Variants in FAM169A observed in about 807,000 individuals in gnomAD.
The protein encoded by FAM169A is soluble lamin-associated protein of 75 kDa.
A neutral mutation model predicts 75.7 loss-of-function variants in FAM169A; 24 were observed. The observed-to-expected ratio is 0.32, with a 90% CI of 0.23 to 0.45. The LOEUF (loss-of-function observed/expected upper bound fraction) is 0.45. Among genes scored for constraint, FAM169A ranks in the 20% least tolerant of loss-of-function variants. The pLI is 1.00. For missense variants in FAM169A, 673 were observed against 784.0 expected (o/e 0.86, Z 1.69); for synonymous variants, 271 against 271.0 (o/e 1.00, Z 0.00).
At position 74,800,869 on chromosome 5, in the gene FAM169A, C is replaced by A; in HGVS notation, c.1103+11G>T. On this transcript the variant is annotated intron_variant, in intron 10 of 12. Transcript: ENST00000687041. ...AAATAAAAAATGAGAGTAAAATCAACAATTATTTACTTGTTTATTGAAGCT... is the reference window on the plus strand; with the variant it reads ...AAATAAAAAATGAGAGTAAAATCAAAAATTATTTACTTGTTTATTGAAGCT... 1 of 1,371,622 alleles carries A rather than the reference C, an allele frequency of 7.3e-7. No individual in the cohort carries two copies. Among genetic ancestry groups the A allele is most frequent in the South Asian group, 2.2e-5 (1 of 45,080 alleles). 85.0% of individuals were successfully genotyped at this position (1,371,622 alleles called of 1,614,324 possible). A position where few individuals can be genotyped will look rare whatever the true frequency, so the allele number is the denominator to read the frequency against.
chr5:74,813,790 C>A, intron 6 of FAM169A, 50 bp downstream of exon 6: 1 of 1,337,978 alleles, frequency 7.5e-7, no homozygotes, highest in South Asian at 1.8e-5. Flanking sequence ...AGAAACAAGT[C>A]GGAAGTGACA....
rs754939341 is a variant in FAM169A, at chr5:74,783,074, T to C, written c.1321A>G (p.Ile441Val). The C allele has an allele frequency of 3.7e-6, 6 of 1,613,760 alleles. No individual in the cohort carries two copies. Among genetic ancestry groups the C allele is most frequent in the East Asian group, 2.2e-5 (1 of 44,878 alleles). The change falls in exon 12 of 13, where the codon ATA (isoleucine) becomes GTA (valine). Residue 441 changes from isoleucine to valine, a missense_variant. Coordinates refer to ENST00000687041, the MANE Select transcript of FAM169A (RefSeq NM_001376049.1). ...CTAGTGGAGTCTTCCTCTTCTGTTA[T>C]AAGTGAGGTCTTAAGAGAATCGTCC... ...IMDDSLKTSLITEEEDSTSEV... is the reference protein window; with the variant it reads ...IMDDSLKTSLVTEEEDSTSEV...
In FAM169A at chr5:74,782,950, T is replaced by C; in HGVS notation, c.1445A>G (p.Glu482Gly). 6.2e-7 allele frequency: 1 copy of C among 1,613,426 alleles called. No individual in the cohort carries two copies. The highest frequency in any genetic ancestry group is 8.5e-7 in the Non-Finnish European group (1 of 1,179,454). ...CCTTACCTTATCTGGTGCATCTACCTCAGGGGGTTTTGAAGATTCTACCAC... is the reference window on the plus strand; with the variant it reads ...CCTTACCTTATCTGGTGCATCTACCCCAGGGGGTTTTGAAGATTCTACCAC... ...PLVVESSKPP[E>G]VDAPDKTPRI... Residue 482 changes from glutamate to glycine, a missense_variant, in exon 12 of 13, where the codon GAG becomes GGG. Physicochemically the swap from Glu to Gly is moderately conservative, Grantham distance 98 (BLOSUM62 -2). Around this residue, in one of 3 missense-constraint regions of FAM169A, gnomAD observed 510 missense variants for 550.9 expected, o/e 0.93. Transcript: ENST00000687041.
At chr5:74,793,790 T>C (rs1746105971) in intron 11 of FAM169A, among the ~76,000 whole-genome samples, 1 of 151,418 alleles carries the variant, frequency 6.6e-6, no homozygotes, top group Non-Finnish European at 1.5e-5. Flanking sequence ...GATCACACGG[T>C]CAGGAGATCA....
chr5:74,851,572 AAATT>A (rs1022321977), intron 1 of FAM169A, among the ~76,000 whole-genome samples: 41 of 152,330 alleles, frequency 2.7e-4, no homozygotes, highest in African/African-American at 9.9e-4. Flanking sequence ...GCCTAACAAT[AAATT>A]AATAGATATT....
At chr5:74,789,711 T>C (rs925496749) in intron 11 of FAM169A, among the ~76,000 whole-genome samples, 1 of 152,220 alleles carries the variant, frequency 6.6e-6, no homozygotes, top group Non-Finnish European at 1.5e-5. Flanking sequence ...TCTAGGATTT[T>C]GGAGCAAGGC....
chr5:74,864,441 G>A (rs1750203516), intron 1 of FAM169A, among the ~76,000 whole-genome samples: 1 of 152,190 alleles, frequency 6.6e-6, no homozygotes, highest in Admixed American at 6.5e-5. Flanking sequence ...TGTTGGCCAG[G>A]CTGGTCTTGA....
At chr5:74,790,049 T>C (rs1422328034) in intron 11 of FAM169A, among the ~76,000 whole-genome samples, 2 of 152,164 alleles carry the variant, frequency 1.3e-5, no homozygotes, top group African/African-American at 4.8e-5. Context: ...GTGGTATATA[T>C]GTGATCGGGC....
chr5:74,825,937 T>G (rs1748001129), intron 5 of FAM169A, among the ~76,000 whole-genome samples: 2 of 152,204 alleles, frequency 1.3e-5, no homozygotes, highest in Admixed American at 6.5e-5. Flanking sequence ...TCTGGAAATG[T>G]GTGTTCTACA....
intron 1 of FAM169A, among the ~76,000 whole-genome samples, chr5:74,850,861 A>C (rs1749406138): frequency 6.6e-6 from 1 of 152,222 alleles, no homozygotes; most frequent in Admixed American, 6.5e-5. Flanking sequence ...ATAAAACAGG[A>C]AAAACAAACC....
Position 74,779,401 on chromosome 5 carries a change from G to A in FAM169A, c.*2059C>T, listed in dbSNP as rs552380016. 10 of 152,150 alleles carry A rather than the reference G, an allele frequency of 6.6e-5. No homozygotes were observed. Among genetic ancestry groups the A allele is most frequent in the East Asian group, 1.9e-4 (1 of 5,178 alleles). 9.4% of individuals were successfully genotyped at this position (152,150 alleles called of 1,614,324 possible). ...CAAGGATGACACAAATTCATGAAGC[G>A]TTTCCATGTTTAAAATAATTTGAAA... On this transcript the variant is annotated 3_prime_UTR_variant, in exon 13 of 13. Transcript: ENST00000687041.
chr5:74,779,073 G>A lies in FAM169A; in HGVS notation c.*2387C>T, dbSNP rs1295429767. On this transcript the variant is annotated 3_prime_UTR_variant, in exon 13 of 13. Coordinates refer to ENST00000687041, the MANE Select transcript of FAM169A (RefSeq NM_001376049.1). ...CCCCAAAATAACAATTTCTGTCAGA[G>A]AGAATCTGTAACAGAAGTGTTCTTG... is the stretch of plus-strand genomic sequence containing the variant. 6.6e-6 allele frequency: 1 copy of A among 152,028 alleles called. No homozygotes were observed. The highest frequency in any genetic ancestry group is 1.5e-5 in the Non-Finnish European group (1 of 67,944). 9.4% of individuals were successfully genotyped at this position (152,028 alleles called of 1,614,324 possible).
intron 10 of FAM169A, chr5:74,799,039 T>G (rs1746424648): frequency 1.8e-6 from 2 of 1,086,464 alleles, no homozygotes; most frequent in African/African-American, 3.1e-5. Context: ...CTGTCGTGCC[T>G]GAAACAGGGA....
intron 10 of FAM169A, chr5:74,800,072 A>G (rs1746485803): frequency 1.4e-6 from 1 of 694,414 alleles, no homozygotes; most frequent in Non-Finnish European, 2.7e-6. Context: ...TTTCAAGGAT[A>G]ATTTGAAGCT....
chr5:74,798,485 C>T (rs1357728090), intron 10 of FAM169A, among the ~76,000 whole-genome samples: 1 of 152,098 alleles, frequency 6.6e-6, no homozygotes, highest in African/African-American at 2.4e-5. Flanking sequence ...TTCCTTATAT[C>T]TATCTTTAAC....
chr5:74,785,951 T>A (rs1278334354), intron 11 of FAM169A, among the ~76,000 whole-genome samples: 1 of 152,158 alleles, frequency 6.6e-6, no homozygotes, highest in Non-Finnish European at 1.5e-5. Context: ...CCTGGGTGTG[T>A]CTATAAGGAG....
At chr5:74,808,425 G>A (rs886594481) in intron 6 of FAM169A, among the ~76,000 whole-genome samples, 2 of 152,012 alleles carry the variant, frequency 1.3e-5, no homozygotes, top group Non-Finnish European at 1.5e-5. Flanking sequence ...GCTAGCATGG[G>A]CAAATTCATA....
intron 5 of FAM169A, among the ~76,000 whole-genome samples, chr5:74,831,754 G>C (rs368958606): frequency 1.3e-5 from 2 of 152,114 alleles, no homozygotes; most frequent in Non-Finnish European, 2.9e-5. Context: ...GACTTGTGAG[G>C]AGTGTGGTAT....
chr5:74,821,138 A>C (rs1399115375), intron 5 of FAM169A, among the ~76,000 whole-genome samples: 1 of 152,214 alleles, frequency 6.6e-6, no homozygotes, highest in African/African-American at 2.4e-5. Context: ...CTACTTGTCC[A>C]TTCATTGCTA....
Sources: allele counts gnomAD v4.1 joint callset (sites outside exome capture counted in the v4.1 genomes callset), GRCh38; gene constraint gnomAD v4.1.1; regional missense constraint gnomAD v4.1.1; transcripts MANE v1.5; gene names NCBI Gene and HGNC (gene_info 2026-07-23, HGNC 2026-07-21).